Variants in PRDM9 observed in about 807,000 individuals in gnomAD.
PRDM9 encodes PR/SET domain 9, also known as histone-lysine N-methyltransferase PRDM9.
Under a neutral mutation model 55.6 loss-of-function variants are expected in PRDM9, and 47 were observed. The ratio of observed to expected loss-of-function variants is 0.85; its 90% confidence interval spans 0.67 to 1.08. The LOEUF is 1.08. Among genes scored for constraint, PRDM9 ranks in the 50% least tolerant of loss-of-function variants. The pLI is 0.00. For missense variants in PRDM9, 867 were observed against 1,040.3 expected, an observed-to-expected ratio of 0.83 and a Z score of 2.29; for synonymous variants, 312 against 375.7, an observed-to-expected ratio of 0.83 and a Z score of 1.96.
chr5:23,512,684 C>T (rs913089480), intron 4 of PRDM9, among the ~76,000 whole-genome samples: 2 of 152,022 alleles, frequency 1.3e-5, no homozygotes, highest in East Asian at 1.9e-4. Flanking sequence ...AAGTGTACAA[C>T]TTTATTAATT....
Position 23,508,987 on chromosome 5 carries a change from T to C in PRDM9, c.-47T>C. The C allele has an allele frequency of 6.2e-7, 1 of 1,607,978 alleles. No homozygotes were observed. The highest frequency in any genetic ancestry group is 8.5e-7 in the Non-Finnish European group (1 of 1,175,390). On this transcript the variant is annotated 5_prime_UTR_variant, in exon 2 of 11. Coordinates refer to ENST00000296682, the MANE Select transcript of PRDM9 (RefSeq NM_020227.4). ...TAGGAGCTGGGAGACTCAGGGCCCT[T>C]CTCACACTCAGAATTGGAGCAGGGC...
intron 1 of PRDM9, 24 bp from the exon 2 acceptor site, chr5:23,508,926 T>C: frequency 3.7e-6 from 5 of 1,360,156 alleles, no homozygotes; most frequent in Non-Finnish European, 5.1e-6. Context: ...TGTTGCCCCC[T>C]CTCAGCACCT....
chr5:23,510,819 G>A (rs1396773256), intron 4 of PRDM9, among the ~76,000 whole-genome samples: 3 of 151,890 alleles, frequency 2.0e-5, no homozygotes, highest in Non-Finnish European at 4.4e-5. Flanking sequence ...TTACAGGCAT[G>A]AGGCACCGTG....
rs374508472 is a variant in PRDM9 at position 23,509,106 on chromosome 5, A to C, written c.69+4A>C. 2 of 1,613,956 alleles carry C rather than the reference A, an allele frequency of 1.2e-6. No homozygotes were observed. The highest frequency in any genetic ancestry group is 2.7e-5 in the African/African-American group (2 of 74,920). ...GAGAACAGAGCGGAAGCCCATGGTG[A>C]GAAGTGGAGGAAGCGAAGCTGGACT... On this transcript the variant is annotated splice_donor_region_variant and intron_variant, in intron 2 of 10. Transcript: ENST00000296682.
chr5:23,523,195 T>C, intron 8 of PRDM9, 96 bp from the exon 9 acceptor site: 1 of 1,401,744 alleles, frequency 7.1e-7, no homozygotes, highest in Non-Finnish European at 1.0e-6. Context: ...CAGCTGAAGC[T>C]ATGCAGGCCC....
rs1739392073 is a variant in PRDM9, at chr5:23,524,427, G to A, written c.1044G>A (p.Arg348=). 6.2e-7 allele frequency: 1 copy of A among 1,613,882 alleles called. No individual in the cohort carries two copies. The highest frequency in any genetic ancestry group is 8.5e-7 in the Non-Finnish European group (1 of 1,179,938). Residue 348 remains arginine (R), a synonymous_variant, in exon 10 of 11, where the codon AGG becomes AGA. Transcript: ENST00000296682. ...TCTATAGAACCTGCCGAGTCATTAG[G>A]CCAGGCTGTGAACTGCTGGTCTGGT... is the stretch of plus-strand genomic sequence containing the variant. ...QIFYRTCRVI[R]PGCELLVWYG...
chr5:23,509,467 T>G lies in PRDM9; in HGVS notation c.70-3T>G. 1 of 1,614,176 alleles carries G rather than the reference T, an allele frequency of 6.2e-7. No individual in the cohort carries two copies. The highest frequency in any genetic ancestry group is 1.3e-5 in the African/African-American group (1 of 75,044). On this transcript the variant is annotated splice_polypyrimidine_tract_variant and splice_region_variant and intron_variant, in intron 2 of 10. Coordinates refer to ENST00000296682, the MANE Select transcript of PRDM9 (RefSeq NM_020227.4). ...CACTGATGGAATCTGTTACTTCCTC[T>G]AGGTCAAAGATGCCTTCAAAGACAT...
chr5:23,517,913 C>T lies in PRDM9; in HGVS notation c.334C>T (p.Gln112Ter). Reference protein sequence around the residue: ...KPPWMALRVEQRKHQKGMPKA... With the variant: ...KPPWMALRVE The stretch of plus-strand genomic sequence containing the variant: ...TCCTTGGATGGCCTTAAGAGTGGAA[C>T]AGCGTAAACACCAGAAGGTAAGTAT... Residue 112 changes from glutamine (Q) to a stop codon, truncating the protein, a stop_gained, in exon 5 of 11, where the codon CAG becomes TAG. Transcript: ENST00000296682. LOFTEE classifies it high-confidence loss of function. 1.2e-6 allele frequency: 2 copies of T among 1,601,082 alleles called. No homozygotes were observed. The highest frequency in any genetic ancestry group is 1.7e-6 in the Non-Finnish European group (2 of 1,168,156).
rs551078700 is a variant in PRDM9, at chr5:23,508,039, C to T, written c.-85+327C>T. Among the ~76,000 whole-genome samples the T allele has an allele frequency of 9.9e-5, 15 of 151,876 alleles. No individual in the cohort carries two copies. The East Asian group carries it at 2.6e-3, about 26-fold the overall frequency. ...TCACCCACAGACAGACCAAATTTCCCCAACCTCAGATAACCTAAATAGCCT... is the reference window on the plus strand; with the variant it reads ...TCACCCACAGACAGACCAAATTTCCTCAACCTCAGATAACCTAAATAGCCT... On this transcript the variant is annotated intron_variant, in intron 1 of 10. Transcript: ENST00000296682.
intron 4 of PRDM9, among the ~76,000 whole-genome samples, chr5:23,514,966 C>CTTT (rs35577341): frequency 7.0e-6 from 1 of 142,280 alleles, no homozygotes; most frequent in Non-Finnish European, 1.5e-5. Flanking sequence ...AATATTAACT[C>CTTT]TTTTTTTTTT....
chr5:23,524,415 C>T lies in PRDM9; in HGVS notation c.1032C>T (p.Cys344=), dbSNP rs1739391579. 1 of 1,613,946 alleles carries T rather than the reference C, an allele frequency of 6.2e-7. No individual in the cohort carries two copies. ...QYHRQIFYRT[C]RVIRPGCELL... ...ACAGGCAGATCTTCTATAGAACCTGCCGAGTCATTAGGCCAGGCTGTGAAC... is the reference window on the plus strand; with the variant it reads ...ACAGGCAGATCTTCTATAGAACCTGTCGAGTCATTAGGCCAGGCTGTGAAC... Residue 344 remains cysteine, a synonymous_variant, in exon 10 of 11, where the codon TGC becomes TGT. Transcript: ENST00000296682.
In PRDM9 at chr5:23,521,003, ATG is replaced by A; in HGVS notation, c.352-17_352-16del. ...AAAGAAATTCGTGTTGTCTTTTAAT[ATG>A]TGACTCTCACATTAAAGGGAATGCC... On this transcript the variant is annotated intron_variant, in intron 5 of 10. Coordinates refer to ENST00000296682, the MANE Select transcript of PRDM9 (RefSeq NM_020227.4). 1 of 1,613,304 alleles carries A rather than the reference ATG, an allele frequency of 6.2e-7. No individual in the cohort carries two copies.
Position 23,522,712 on chromosome 5 carries a change from C to A in PRDM9, c.709C>A (p.Arg237Ser), listed in dbSNP as rs1187228739. Residue 237 changes from arginine to serine, a missense_variant, in exon 8 of 11, where the codon CGT becomes AGT. Coordinates refer to ENST00000296682, the MANE Select transcript of PRDM9 (RefSeq NM_020227.4). ...DSAVDKGHPN[R>S]SALSLPPGLR... ...TGCAGTGGACAAGGGGCACCCCAAC[C>A]GTTCAGCCCTCAGTCTGCCCCCAGG... 1.2e-6 allele frequency: 2 copies of A among 1,614,224 alleles called. No individual in the cohort carries two copies. Among genetic ancestry groups the A allele is most frequent in the African/African-American group, 1.3e-5 (1 of 75,072 alleles).
intron 5 of PRDM9, among the ~76,000 whole-genome samples, chr5:23,518,692 A>C (rs1361219365): frequency 6.6e-6 from 1 of 152,294 alleles, no homozygotes; most frequent in East Asian, 1.9e-4. Flanking sequence ...CTATTAAGTA[A>C]AAATATATTC....
At position 23,526,538 on chromosome 5, in the gene PRDM9, A is replaced by G. The variant is rs781668982; in HGVS notation, c.1450A>G (p.Met484Val). ...RAFSSPPKGQ[M>V]GSCRVGKRIM... is the part of the protein sequence containing the mutation. ...CTTTTCTAGCCCACCCAAAGGACAAATGGGGAGCTGTAGAGTGGGAAAAAG... is the reference window on the plus strand; with the variant it reads ...CTTTTCTAGCCCACCCAAAGGACAAGTGGGGAGCTGTAGAGTGGGAAAAAG... The change falls in exon 11 of 11, where the codon ATG becomes GTG. Residue 484 changes from methionine (M) to valine (V), a missense_variant. Physicochemically the swap from Met to Val is conservative, Grantham distance 21 (BLOSUM62 1). This residue lies in a region of PRDM9 where 662 missense variants were observed against 711.9 expected (regional missense o/e 0.93). Transcript: ENST00000296682. The G allele has an allele frequency of 3.1e-6, 5 of 1,614,180 alleles. No homozygotes were observed. In the South Asian group the frequency reaches 4.4e-5, roughly 14 times the overall value.
intron 9 of PRDM9, 99 bp from the exon 10 acceptor site, chr5:23,524,235 G>A: frequency 6.7e-7 from 1 of 1,486,592 alleles, no homozygotes; most frequent in Admixed American, 1.7e-5. Flanking sequence ...GTCAGCACTA[G>A]ACCATGGAGG....
intron 6 of PRDM9, 69 bp from the exon 7 acceptor site, chr5:23,522,235 A>G (rs1739339842): frequency 1.5e-6 from 2 of 1,331,860 alleles, no homozygotes; most frequent in Non-Finnish European, 2.2e-6. Flanking sequence ...TAGATTTCAC[A>G]TTTTCTTATG....
intron 4 of PRDM9, among the ~76,000 whole-genome samples, chr5:23,514,922 G>T (rs1257800112): frequency 1.3e-5 from 2 of 150,758 alleles, no homozygotes; most frequent in East Asian, 3.9e-4. Context: ...TTGTTTTGTT[G>T]TTGTTGTATT....
intron 9 of PRDM9, 48 bp downstream of exon 9, chr5:23,523,406 C>T (rs1276211959): frequency 5.2e-6 from 8 of 1,551,322 alleles, no homozygotes; most frequent in Non-Finnish European, 7.1e-6. Flanking sequence ...TCATCTCTCA[C>T]AAAGCTGGAT....
Sources: gnomAD v4.1 joint callset for allele counts (sites outside exome capture counted in the v4.1 genomes callset) on GRCh38, gnomAD v4.1.1 for gene constraint, gnomAD v4.1.1 regional missense constraint, MANE v1.5 for transcripts, NCBI Gene and HGNC (gene_info 2026-07-23, HGNC 2026-07-21) for gene names.